Variants in HSP90AB1 observed in about 807,000 individuals in gnomAD.
The protein encoded by HSP90AB1 is heat shock protein HSP 90-beta.
A neutral mutation model predicts 67.8 loss-of-function variants in HSP90AB1; 17 were observed. The ratio of observed to expected loss-of-function variants is 0.25; its 90% CI spans 0.17 to 0.38. HSP90AB1 has a LOEUF of 0.38. Ranked by LOEUF, HSP90AB1 falls within the 10% of genes least tolerant of loss-of-function variation. The pLI is 1.00. For synonymous variants in HSP90AB1, 390 were observed against 312.9 expected, an observed-to-expected ratio of 1.25 and a Z score of -2.60; for missense variants, 690 against 899.9, an observed-to-expected ratio of 0.77 and a Z score of 2.98.
chr6:44,248,304 G>A (rs1780213412), intron 1 of HSP90AB1, among the ~76,000 whole-genome samples: 1 of 152,194 alleles, frequency 6.6e-6, no homozygotes, highest in Non-Finnish European at 1.5e-5. Context: ...TAGATACCTG[G>A]GTTGGACCAA....
Position 44,250,384 on chromosome 6 carries a change from C to G in HSP90AB1, c.742C>G (p.Pro248Ala), listed in dbSNP as rs774155509. 1.2e-6 allele frequency: 2 copies of G among 1,613,306 alleles called. No homozygotes were observed. The highest frequency in any genetic ancestry group is 4.5e-5 in the East Asian group (2 of 44,876). ...EEEDKDDEEK[P>A]KIEDVGSDEE... ...GGAAGATAAAGATGATGAAGAAAAA[C>G]CCAAGATCGAAGATGTGGGTTCAGA... Residue 248 changes from proline to alanine, a missense_variant, in exon 6 of 12, where the codon CCC becomes GCC. By Grantham distance (27) the Pro-to-Ala change is conservative. Transcript: ENST00000371646.
rs145429575 is a variant in HSP90AB1, at chr6:44,250,683, A to C, written c.957+84A>C. On this transcript the variant is annotated intron_variant, in intron 6 of 11. Transcript: ENST00000371646. ...TGGAAGAGTGTTGGGTAATAGACACACGGAACTTGTCCAACTGATAACAGA... is the reference window on the plus strand; with the variant it reads ...TGGAAGAGTGTTGGGTAATAGACACCCGGAACTTGTCCAACTGATAACAGA... 410 of 775,082 alleles carry C rather than the reference A, an allele frequency of 5.3e-4. 1 individual carries two copies. In the African/African-American group the frequency reaches 6.5e-3, roughly 12 times the overall value. The allele number at this position is 775,082 out of a possible 1,614,324, so 48.0% of individuals were successfully genotyped here. A position where few individuals can be genotyped will look rare whatever the true frequency, so the allele number is the denominator to read the frequency against.
In HSP90AB1 at chr6:44,251,763, C is replaced by T. The variant is rs61735978; in HGVS notation, c.1341C>T (p.Asn447=). 5.0e-5 allele frequency: 81 copies of T among 1,613,642 alleles called. No individual in the cohort carries two copies. The African/African-American group carries it at 9.9e-4, about 20-fold the overall frequency. The change falls in exon 9 of 12, where the codon AAC becomes AAT. Residue 447 remains asparagine, a synonymous_variant. Transcript: ENST00000371646. ...LKLGIHEDST[N]RRRLSELLRY... ...TTGGAATCCACGAAGACTCCACTAA[C>T]CGCCGCCGCCTGTCTGAGCTGCTGC...
Sources: gnomAD v4.1 joint callset for allele counts (sites outside exome capture counted in the v4.1 genomes callset) on GRCh38, gnomAD v4.1.1 for gene constraint, MANE v1.5 for transcripts, NCBI Gene and HGNC (gene_info 2026-07-23, HGNC 2026-07-21) for gene names.